Variants in SCAMP4 observed in about 807,000 individuals in gnomAD.
SCAMP4 encodes secretory carrier membrane protein 4, also known as secretory carrier-associated membrane protein 4.
A neutral mutation model predicts 32.1 loss-of-function variants in SCAMP4; 19 were observed. The observed-to-expected ratio is 0.59, with a 90% CI of 0.41 to 0.87. SCAMP4 has a LOEUF of 0.87. Ranked by LOEUF, SCAMP4 falls within the 40% of genes least tolerant of loss-of-function variation. SCAMP4 has a pLI of 0.00. For synonymous variants in SCAMP4, 152 were observed against 132.7 expected (o/e 1.15, Z -1.00); for missense variants, 302 against 309.0 (o/e 0.98, Z 0.17).
intron 1 of SCAMP4, among the ~76,000 whole-genome samples, chr19:1,914,705 C>T (rs547667980): frequency 5.7e-4 from 80 of 139,688 alleles, no homozygotes; most frequent in African/African-American, 2.0e-3. Context: ...CCTAGGACAG[C>T]GGGGAAGGGG....
chr19:1,905,508 AC>A, intron 1 of SCAMP4, 69 bp downstream of exon 1: 1 of 389,270 alleles, frequency 2.6e-6, no homozygotes, highest in Non-Finnish European at 5.5e-6. Context: ...GTAGGGGCTG[AC>A]ATGGGGGGTC....
intron 5 of SCAMP4, 166 bp downstream of exon 5, chr19:1,919,156 C>T (rs1480199304): frequency 1.4e-5 from 20 of 1,443,948 alleles, no homozygotes; most frequent in African/African-American, 7.2e-5. Flanking sequence ...TCCTCGCCAG[C>T]GCCCGCGTCC....
intron 2 of SCAMP4, among the ~76,000 whole-genome samples, chr19:1,916,832 G>A (rs1329548120): frequency 6.6e-6 from 1 of 152,212 alleles, no homozygotes; most frequent in Non-Finnish European, 1.5e-5. Context: ...GCGTCCCCAG[G>A]CCACAGCCTC....
At chr19:1,913,188 G>C in intron 1 of SCAMP4, 2 of 1,470,994 alleles carry the variant, frequency 1.4e-6, no homozygotes, top group Non-Finnish European at 1.8e-6. Context: ...TCCCGCTCCC[G>C]GCCGTGGGGC....
chr19:1,924,432 T>C lies in SCAMP4; in HGVS notation c.*148T>C. 1 of 657,238 alleles carries C rather than the reference T, an allele frequency of 1.5e-6. No individual in the cohort carries two copies. The highest frequency in any genetic ancestry group is 2.6e-6 in the Non-Finnish European group (1 of 379,572). 40.7% of individuals were successfully genotyped at this position (657,238 alleles called of 1,614,324 possible). On this transcript the variant is annotated 3_prime_UTR_variant, in exon 7 of 7. Transcript: ENST00000316097. ...TGGTGGCCACGGACCGCCCCCCTCC[T>C]GCCAGGGCCACAGAACCCGTGTTCA...
chr19:1,918,384 C>T, intron 4 of SCAMP4, 101 bp downstream of exon 4: 15 of 1,293,564 alleles, frequency 1.2e-5, no homozygotes, highest in Non-Finnish European at 1.5e-5. Context: ...CTTTCTCTGC[C>T]CAGTGTGAAA....
In SCAMP4 at chr19:1,924,607, G is replaced by T; in HGVS notation, c.*323G>T. On this transcript the variant is annotated 3_prime_UTR_variant, in exon 7 of 7. Coordinates refer to ENST00000316097, the MANE Select transcript of SCAMP4 (RefSeq NM_079834.4). ...GCCTTGTCTTCAGGTCTCGAGGCCT[G>T]ACTCCGGGGGACAGGTGGCAGCAGG... is the stretch of plus-strand genomic sequence containing the variant. The T allele has an allele frequency of 3.0e-6, 1 of 332,658 alleles. No individual in the cohort carries two copies. The highest frequency in any genetic ancestry group is 3.7e-5 in the South Asian group (1 of 27,316). 20.6% of individuals were successfully genotyped at this position (332,658 alleles called of 1,614,324 possible).
At chr19:1,920,638 C>T (rs1021123195) in intron 5 of SCAMP4, 31 of 985,390 alleles carry the variant, frequency 3.1e-5, no homozygotes, top group Non-Finnish European at 3.6e-5. Flanking sequence ...GGTGCTTCCC[C>T]CTCCTGCAGA....
chr19:1,924,362 G>C lies in SCAMP4; in HGVS notation c.*78G>C, dbSNP rs1425401099. The C allele has an allele frequency of 2.1e-6, 3 of 1,415,056 alleles. No individual in the cohort carries two copies. Among genetic ancestry groups the C allele is most frequent in the Admixed American group, 2.0e-5 (1 of 49,084 alleles). 87.7% of individuals were successfully genotyped at this position (1,415,056 alleles called of 1,614,324 possible). A position where few individuals can be genotyped will look rare whatever the true frequency, so the allele number is the denominator to read the frequency against. ...TGCTACCCCTGGTCCCGAGGGCTGG[G>C]AGTACCTGGGGCCCCATCCCCCCAG... On this transcript the variant is annotated 3_prime_UTR_variant, in exon 7 of 7. Transcript: ENST00000316097.
chr19:1,906,682 C>T (rs1372921016), intron 1 of SCAMP4: 2 of 149,636 alleles, frequency 1.3e-5, no homozygotes, highest in Non-Finnish European at 3.0e-5. Context: ...AACCCTGTCT[C>T]TACTAAAAAT....
chr19:1,917,687 C>T lies in SCAMP4; in HGVS notation c.8-7C>T. 3.1e-6 allele frequency: 5 copies of T among 1,613,866 alleles called. No individual in the cohort carries two copies. Among genetic ancestry groups the T allele is most frequent in the Non-Finnish European group, 4.2e-6 (5 of 1,179,856 alleles). ...TGGTTCTGTCCGTGGGTTCTCTGTC[C>T]CTACAGAAAAGGAGAACAACTTCCC... On this transcript the variant is annotated splice_region_variant and splice_polypyrimidine_tract_variant and intron_variant, in intron 2 of 6. Coordinates refer to ENST00000316097, the MANE Select transcript of SCAMP4 (RefSeq NM_079834.4).
rs2145468187 is a variant in SCAMP4 at position 1,925,532 on chromosome 19, GCA to G, written c.*1250_*1251del. 6.5e-6 allele frequency: 1 copy of G among 153,228 alleles called. No homozygotes were observed. The highest frequency in any genetic ancestry group is 1.9e-4 in the East Asian group (1 of 5,166). The allele number at this position is 153,228 out of a possible 1,614,324, so 9.5% of individuals were successfully genotyped here. On this transcript the variant is annotated 3_prime_UTR_variant, in exon 7 of 7. Coordinates refer to ENST00000316097, the MANE Select transcript of SCAMP4 (RefSeq NM_079834.4). ...CTCTCCCAGGCAAGACATTTTCACA[GCA>G]CCATTCACAACGGTTGGGCCAAAAA... is the stretch of plus-strand genomic sequence containing the variant.
Position 1,913,870 on chromosome 19 carries a change from T to A in SCAMP4, c.-41-1109T>A, listed in dbSNP as rs151247103. On this transcript the variant is annotated intron_variant, in intron 1 of 6. Coordinates refer to ENST00000316097, the MANE Select transcript of SCAMP4 (RefSeq NM_079834.4). ...TTGCCTGACCATGTGGGTGCAGCTT[T>A]GCCTCCAGACACGCCTGCTGTGAGC... 2.9e-3 allele frequency among the ~76,000 whole-genome samples: 447 copies of A among 152,308 alleles called. 2 individuals carry two copies. Among genetic ancestry groups the A allele is most frequent in the African/African-American group, 9.8e-3 (406 of 41,564 alleles).
At chr19:1,907,391 TAAAAAA>T (rs111426560) in intron 1 of SCAMP4, among the ~76,000 whole-genome samples, 1 of 137,344 alleles carries the variant, frequency 7.3e-6, no homozygotes, top group African/African-American at 2.7e-5. Flanking sequence ...AGCCCTGCCT[TAAAAAA>T]AAAAAAAAGG....
rs188999749 is a variant in SCAMP4, at chr19:1,909,297, G to A, written c.-42+3858G>A. Among the ~76,000 whole-genome samples the A allele has an allele frequency of 3.2e-4, 48 of 152,300 alleles. 1 individual carries two copies. The highest frequency in any genetic ancestry group is 1.2e-3 in the African/African-American group (48 of 41,568). On this transcript the variant is annotated intron_variant, in intron 1 of 6. Transcript: ENST00000316097. Reference sequence around the variant, plus strand: ...GGCGCTGTCCCCCAGGGCCCTGTGAGCAGTCCCTGCAGGCTGGCTGTCCCC... The same window carrying A: ...GGCGCTGTCCCCCAGGGCCCTGTGAACAGTCCCTGCAGGCTGGCTGTCCCC...
rs759218035 is a variant in SCAMP4, at chr19:1,915,058, G to A, written c.7+32G>A. ...CCTGCCTGCCTGGGAGCCTCCAGCA[G>A]CGTGGGCGGGAGGGAGATGCCAGCA... On this transcript the variant is annotated intron_variant, in intron 2 of 6. Transcript: ENST00000316097. The A allele has an allele frequency of 4.5e-5, 73 of 1,613,166 alleles. 3 individuals are homozygous for A. The South Asian group carries it at 7.7e-4, about 17-fold the overall frequency.
At chr19:1,918,708 G>C (rs1205320320) in intron 4 of SCAMP4, 181 bp from the exon 5 acceptor site, 4 of 937,954 alleles carry the variant, frequency 4.3e-6, no homozygotes, top group Non-Finnish European at 6.1e-6. Context: ...GTTGCAGTGA[G>C]CCGAGATCTC....
rs755427793 is a variant in SCAMP4 at position 1,917,761 on chromosome 19, C to T, written c.75C>T (p.Phe25=). 4.3e-6 allele frequency: 7 copies of T among 1,614,034 alleles called. No homozygotes were observed. The South Asian group carries it at 5.5e-5, about 13-fold the overall frequency. ...TGAAGCCCTGCTTCTACCAGAACTT[C>T]TCCGACGAGATCCCAGTGGAGCACC... is the stretch of plus-strand genomic sequence containing the variant. ...IPVKPCFYQN[F]SDEIPVEHQV... The change falls in exon 3 of 7, where the codon TTC becomes TTT. Residue 25 remains phenylalanine, a synonymous_variant. Transcript: ENST00000316097.
chr19:1,918,143 C>T lies in SCAMP4; in HGVS notation c.153C>T (p.Leu51=), dbSNP rs1044469944. The T allele has an allele frequency of 1.1e-5, 18 of 1,612,010 alleles. No homozygotes were observed. Among genetic ancestry groups the T allele is most frequent in the Middle Eastern group, 1.6e-4 (1 of 6,078 alleles). ...YRLWMFYCAT[L]GVNLIACLAW... Reference sequence around the variant, plus strand: ...TCTTCGCAGTTTACTGCGCCACCCTCGGCGTCAACCTCATTGCCTGCCTGG... The same window carrying T: ...TCTTCGCAGTTTACTGCGCCACCCTTGGCGTCAACCTCATTGCCTGCCTGG... Residue 51 remains leucine, a synonymous_variant, in exon 4 of 7, where the codon CTC becomes CTT. Transcript: ENST00000316097.
Sources: allele counts gnomAD v4.1 joint callset (sites outside exome capture counted in the v4.1 genomes callset), GRCh38; gene constraint gnomAD v4.1.1; transcripts MANE v1.5; gene names NCBI Gene and HGNC (gene_info 2026-07-23, HGNC 2026-07-21).